The following ATP11B variants were observed in gnomAD, a reference collection of about 807,000 sequenced individuals.
ATP11B encodes ATPase phospholipid transporting 11B (putative).
Under a neutral mutation model 157.8 loss-of-function variants are expected in ATP11B, and 81 were observed. The ratio of observed to expected loss-of-function variants is 0.51; its 90% CI spans 0.43 to 0.62. The LOEUF (loss-of-function observed/expected upper bound fraction) is 0.62, where lower values mean the gene tolerates loss of function less well. Among genes scored for constraint, ATP11B ranks in the 20% least tolerant of loss-of-function variants. The pLI is 0.00. For missense variants in ATP11B, 1,165 were observed against 1,402.2 expected (o/e 0.83, Z 2.70); for synonymous variants, 451 against 469.4 (o/e 0.96, Z 0.51).
intron 4 of ATP11B, among the ~76,000 whole-genome samples, chr3:182,831,180 C>T (rs1271655150): frequency 6.6e-6 from 1 of 151,998 alleles, no homozygotes; most frequent in African/African-American, 2.4e-5. Context: ...CGATTTTTTT[C>T]CCCCTCAAAA....
intron 28 of ATP11B, among the ~76,000 whole-genome samples, chr3:182,912,743 T>C (rs1347276259): frequency 6.6e-6 from 1 of 152,192 alleles, no homozygotes; most frequent in Non-Finnish European, 1.5e-5. Flanking sequence ...TTCTGTTCAT[T>C]GTGAGCATCT....
intron 25 of ATP11B, among the ~76,000 whole-genome samples, chr3:182,892,423 A>G (rs1029201786): frequency 6.6e-6 from 1 of 152,190 alleles, no homozygotes. Flanking sequence ...TAGAGCAGAA[A>G]AAGTTACTAG....
At chr3:182,871,965 G>A (rs1019649032) in intron 17 of ATP11B, among the ~76,000 whole-genome samples, 24 of 152,000 alleles carry the variant, frequency 1.6e-4, no homozygotes, top group Non-Finnish European at 2.4e-4. Flanking sequence ...ACAGGTGCCC[G>A]CCACTATGCC....
At chr3:182,869,409 T>A in intron 17 of ATP11B, 78 bp downstream of exon 17, 1 of 989,622 alleles carries the variant, frequency 1.0e-6, no homozygotes, top group East Asian at 2.7e-5. Flanking sequence ...TTCTTATAAT[T>A]TATCAAAAAT....
intron 3 of ATP11B, among the ~76,000 whole-genome samples, chr3:182,829,201 G>T (rs1218773498): frequency 1.3e-5 from 2 of 152,078 alleles, no homozygotes; most frequent in Non-Finnish European, 2.9e-5. Flanking sequence ...AATTTAATGG[G>T]CCTATCCGGA....
intron 2 of ATP11B, among the ~76,000 whole-genome samples, chr3:182,825,174 T>G (rs1397905089): frequency 1.3e-5 from 2 of 152,220 alleles, no homozygotes; most frequent in Admixed American, 6.5e-5. Flanking sequence ...CCTGAAATGT[T>G]CTCCCTTATT....
Position 182,867,455 on chromosome 3 carries a change from T to C in ATP11B, c.1688+11T>C, listed in dbSNP as rs192881202. On this transcript the variant is annotated intron_variant, in intron 15 of 29. Transcript: ENST00000323116. The stretch of plus-strand genomic sequence containing the variant: ...TGGAAAACTGGAACGGTAATTTTTT[T>C]TCATATATTGGAATGTTTTCTGTGT... 9.4e-5 allele frequency: 147 copies of C among 1,568,968 alleles called. No individual in the cohort carries two copies. Among genetic ancestry groups the C allele is most frequent in the Non-Finnish European group, 1.3e-4 (143 of 1,139,548 alleles).
chr3:182,845,654 T>A lies in ATP11B; in HGVS notation c.769+132T>A, dbSNP rs964571109. On this transcript the variant is annotated intron_variant, in intron 9 of 29. Coordinates refer to ENST00000323116, the MANE Select transcript of ATP11B (RefSeq NM_014616.3). ...TTTGTCATTTATGATAATTTTCTTA[T>A]AAAGTTTGTATTACAGTAGTCGTGT... 4.1e-5 allele frequency: 27 copies of A among 664,816 alleles called. No homozygotes were observed. The African/African-American group carries it at 4.2e-4, about 10-fold the overall frequency. The allele number at this position is 664,816 out of a possible 1,614,324, so 41.2% of individuals were successfully genotyped here. A position where few individuals can be genotyped will look rare whatever the true frequency, so the allele number is the denominator to read the frequency against.
intron 29 of ATP11B, chr3:182,915,955 A>G: frequency 1.0e-6 from 1 of 983,764 alleles, no homozygotes; most frequent in Non-Finnish European, 1.2e-6. Flanking sequence ...CCAACATCAC[A>G]GGTTATATTA....
At chr3:182,887,284 A>G (rs1290390761) in intron 23 of ATP11B, among the ~76,000 whole-genome samples, 3 of 152,170 alleles carry the variant, frequency 2.0e-5, no homozygotes, top group African/African-American at 7.2e-5. Context: ...AGAATTATGT[A>G]AAATTACTTC....
chr3:182,884,674 T>C (rs1722680502), intron 21 of ATP11B, 79 bp from the exon 22 acceptor site: 1 of 1,396,178 alleles, frequency 7.2e-7, no homozygotes, highest in Admixed American at 2.4e-5. Context: ...TCAACTATTA[T>C]AAATAATTAA....
At chr3:182,836,925 A>G in intron 6 of ATP11B, 146 bp from the exon 7 acceptor site, 1 of 626,164 alleles carries the variant, frequency 1.6e-6, no homozygotes, top group Non-Finnish European at 2.8e-6. Context: ...TGTTTATTTT[A>G]CATGTTTCTT....
intron 13 of ATP11B, among the ~76,000 whole-genome samples, chr3:182,866,011 T>C (rs1721205507): frequency 6.6e-6 from 1 of 152,214 alleles, no homozygotes; most frequent in Admixed American, 6.5e-5. Flanking sequence ...TTAATACTTT[T>C]TGAGACCTCA....
Position 182,828,150 on chromosome 3 carries a change from T to G in ATP11B, c.175T>G (p.Leu59Val). The G allele has an allele frequency of 6.7e-7, 1 of 1,487,180 alleles. No homozygotes were observed. Among genetic ancestry groups the G allele is most frequent in the Non-Finnish European group, 9.0e-7 (1 of 1,108,608 alleles). The allele number at this position is 1,487,180 out of a possible 1,614,324, so 92.1% of individuals were successfully genotyped here. A position where few individuals can be genotyped will look rare whatever the true frequency, so the allele number is the denominator to read the frequency against. The change falls in exon 3 of 30, where the codon TTA becomes GTA. Residue 59 changes from leucine (L) to valine (V), a missense_variant. This residue lies in a region of ATP11B where 91 missense variants were observed against 95.8 expected (regional missense o/e 0.95). Coordinates refer to ENST00000323116, the MANE Select transcript of ATP11B (RefSeq NM_014616.3). ...TGTGTGGAATTTTGTTCCAAAAAATTTATTTGAACAGTTCAGAAGAGTGGC... is the reference window on the plus strand; with the variant it reads ...TGTGTGGAATTTTGTTCCAAAAAATGTATTTGAACAGTTCAGAAGAGTGGC... The part of the protein sequence containing the change: ...YTVWNFVPKN[L>V]FEQFRRVANF...
At chr3:182,857,819 G>T in intron 10 of ATP11B, 59 bp from the exon 11 acceptor site, 2 of 1,095,044 alleles carry the variant, frequency 1.8e-6, no homozygotes, top group Admixed American at 2.1e-5. Context: ...TAATTTTCAA[G>T]CAAATGAATA....
At chr3:182,840,864 A>G (rs1718955620) in intron 7 of ATP11B, among the ~76,000 whole-genome samples, 1 of 152,196 alleles carries the variant, frequency 6.6e-6, no homozygotes. Flanking sequence ...AAAAGCAGTC[A>G]TAGTGTTCCT....
At chr3:182,837,246 T>C (rs1365825495) in intron 7 of ATP11B, 72 bp downstream of exon 7, 6 of 1,115,124 alleles carry the variant, frequency 5.4e-6, no homozygotes, top group Admixed American at 2.5e-5. Context: ...ACCATAAACA[T>C]AAAATGAAAT....
intron 13 of ATP11B, 93 bp from the exon 14 acceptor site, chr3:182,866,175 C>G (rs1360922077): frequency 1.0e-6 from 1 of 958,710 alleles, no homozygotes; most frequent in African/African-American, 1.7e-5. Flanking sequence ...GGTTGTAGCA[C>G]TCTTGTTCTA....
At chr3:182,898,422 T>C (rs1723713083) in intron 27 of ATP11B, among the ~76,000 whole-genome samples, 185 bp from the exon 28 acceptor site, 2 of 152,170 alleles carry the variant, frequency 1.3e-5, no homozygotes, top group Non-Finnish European at 2.9e-5. Flanking sequence ...AAAACTATAG[T>C]TGTTTTATTT....
Sources: gnomAD v4.1 joint callset for allele counts (sites outside exome capture counted in the v4.1 genomes callset) on GRCh38, gnomAD v4.1.1 for gene constraint, gnomAD v4.1.1 regional missense constraint, MANE v1.5 for transcripts, NCBI Gene and HGNC (gene_info 2026-07-23, HGNC 2026-07-21) for gene names.